Variants in SGCG observed in about 807,000 individuals in gnomAD.
SGCG encodes the protein sarcoglycan gamma.
Under a neutral mutation model 29.3 loss-of-function variants are expected in SGCG, and 26 were observed. The observed-to-expected ratio is 0.89, with a 90% CI of 0.65 to 1.23. The LOEUF (loss-of-function observed/expected upper bound fraction) is 1.23. Among genes scored for constraint, SGCG ranks in the 50% most tolerant of loss-of-function variants. The pLI, the probability that SGCG is intolerant of heterozygous loss-of-function variation, is 0.00. For missense variants in SGCG, 353 were observed against 356.0 expected, an observed-to-expected ratio of 0.99 and a Z score of 0.07; for synonymous variants, 145 against 129.7, an observed-to-expected ratio of 1.12 and a Z score of -0.80.
In SGCG at chr13:23,263,851, A is replaced by G. The variant is rs1461785154; in HGVS notation, c.385+13134A>G. On this transcript the variant is annotated intron_variant, in intron 4 of 7. Transcript: ENST00000218867. ...CATATGATCATCTCAGTAGATGCAGAAAAAGCATTAAACAAAATCTAGCAT... is the reference window on the plus strand; with the variant it reads ...CATATGATCATCTCAGTAGATGCAGGAAAAGCATTAAACAAAATCTAGCAT... 2.6e-5 allele frequency among the ~76,000 whole-genome samples: 4 copies of G among 152,290 alleles called. No homozygotes were observed. In the East Asian group the frequency reaches 5.8e-4, roughly 22 times the overall value.
intron 2 of SGCG, among the ~76,000 whole-genome samples, chr13:23,229,450 C>T (rs1005794668): frequency 9.2e-5 from 14 of 152,220 alleles, no homozygotes; most frequent in Admixed American, 9.2e-4. Context: ...TTCTCTGCAA[C>T]CTCACCAGCA....
At chr13:23,243,805 C>G (rs1879598394) in intron 3 of SGCG, 1 of 152,096 alleles carries the variant, frequency 6.6e-6, no homozygotes, top group African/African-American at 2.4e-5. Context: ...ATGGTGCCTA[C>G]TTTATAAAAT....
chr13:23,209,178 A>C (rs987904177), intron 2 of SGCG, among the ~76,000 whole-genome samples: 3 of 152,118 alleles, frequency 2.0e-5, no homozygotes, highest in Non-Finnish European at 4.4e-5. Context: ...TAATTCTATA[A>C]AATACTTCGT....
At chr13:23,165,700 T>C in the SGCG span, among the ~76,000 whole-genome samples, 1 of 120,284 alleles carries the variant, frequency 8.3e-6, no homozygotes, top group Admixed American at 1.1e-4. Context: ...AATTTTTGTA[T>C]TTTTTTAGTA....
At chr13:23,321,870 A>C (rs1883054135) in intron 7 of SGCG, among the ~76,000 whole-genome samples, 3 of 152,068 alleles carry the variant, frequency 2.0e-5, no homozygotes. Context: ...CTTACAGCAC[A>C]CAGTGCTCAA....
intron 6 of SGCG, among the ~76,000 whole-genome samples, chr13:23,300,307 A>G (rs1396708990): frequency 6.6e-6 from 1 of 152,234 alleles, no homozygotes; most frequent in Non-Finnish European, 1.5e-5. Flanking sequence ...AGGTCCCAAC[A>G]ATAAAGAGGC....
chr13:23,210,551 C>A (rs952604352), intron 2 of SGCG, among the ~76,000 whole-genome samples: 2 of 151,916 alleles, frequency 1.3e-5, no homozygotes, highest in Non-Finnish European at 2.9e-5. Flanking sequence ...ATTAGCCGGG[C>A]GTGGTGGCGG....
intron 7 of SGCG, among the ~76,000 whole-genome samples, chr13:23,323,032 A>G (rs1385069118): frequency 6.6e-6 from 1 of 152,088 alleles, no homozygotes; most frequent in Non-Finnish European, 1.5e-5. Flanking sequence ...TGTGATATTA[A>G]TAGGAACGTG....
At chr13:23,244,009 G>T (rs2137557724) in intron 3 of SGCG, 1 of 151,774 alleles carries the variant, frequency 6.6e-6, no homozygotes, top group Non-Finnish European at 1.5e-5. Context: ...AGCTCCCAAG[G>T]GCTCTTAAGA....
Position 23,197,239 on chromosome 13 carries a change from C to T in SGCG, c.1-6456C>T, listed in dbSNP as rs116203965. Among the ~76,000 whole-genome samples, 945 of 152,226 alleles carry T rather than the reference C, an allele frequency of 6.2e-3. 10 individuals are homozygous for T. Among genetic ancestry groups the T allele is most frequent in the African/African-American group, 0.022 (901 of 41,518 alleles). ...GCACTTACTGATTGCCTATTATGTGCACATAACTGATACTGGTCACGGTCA... is the reference window on the plus strand; with the variant it reads ...GCACTTACTGATTGCCTATTATGTGTACATAACTGATACTGGTCACGGTCA... On this transcript the variant is annotated intron_variant, in intron 1 of 7. Coordinates refer to ENST00000218867, the MANE Select transcript of SGCG (RefSeq NM_000231.3).
chr13:23,218,190 G>T (rs2137522885), intron 2 of SGCG, among the ~76,000 whole-genome samples: 1 of 152,190 alleles, frequency 6.6e-6, no homozygotes, highest in South Asian at 2.1e-4. Context: ...CAAATAAAAA[G>T]TTTATAATAT....
At chr13:23,212,096 G>C (rs1465283508) in intron 2 of SGCG, among the ~76,000 whole-genome samples, 1 of 151,968 alleles carries the variant, frequency 6.6e-6, no homozygotes, top group Non-Finnish European at 1.5e-5. Flanking sequence ...TGCTTGCTAG[G>C]GCTTTGCCTT....
intron 6 of SGCG, among the ~76,000 whole-genome samples, chr13:23,307,009 TAC>T (rs1349083169): frequency 1.3e-5 from 2 of 152,244 alleles, no homozygotes; most frequent in Non-Finnish European, 2.9e-5. Context: ...AAGAAGGACT[TAC>T]AAATATATTA....
At chr13:23,204,154 G>T (rs1382277515) in intron 2 of SGCG, among the ~76,000 whole-genome samples, 1 of 151,060 alleles carries the variant, frequency 6.6e-6, no homozygotes, top group Non-Finnish European at 1.5e-5. Context: ...TATTGTAATA[G>T]TCTTTAGTTT....
the SGCG span, among the ~76,000 whole-genome samples, chr13:23,164,490 G>A: frequency 6.6e-6 from 1 of 152,118 alleles, no homozygotes; most frequent in Admixed American, 6.5e-5. Flanking sequence ...AACTGCAGAG[G>A]AATAAAGGAA....
At chr13:23,170,586 T>G in the SGCG span, 1 of 152,388 alleles carries the variant, frequency 6.6e-6, no homozygotes. Context: ...TGTTGTTGCC[T>G]TCTTCTTCTG....
At position 23,300,951 on chromosome 13, in the gene SGCG, G is replaced by T. The variant is rs12865632; in HGVS notation, c.578+5464G>T. Among the ~76,000 whole-genome samples the T allele has an allele frequency of 3.3e-5, 5 of 151,908 alleles. No homozygotes were observed. In the East Asian group the frequency reaches 7.8e-4, roughly 24 times the overall value. ...TAACACGGTGAAACCCCATCTCTAC[G>T]AAAAATACAAAAGAATTAGCCGGGT... On this transcript the variant is annotated intron_variant, in intron 6 of 7. Transcript: ENST00000218867.
intron 4 of SGCG, among the ~76,000 whole-genome samples, chr13:23,262,718 C>T (rs1024591436): frequency 6.6e-6 from 1 of 151,992 alleles, no homozygotes; most frequent in East Asian, 1.9e-4. Flanking sequence ...TTCCCATCAG[C>T]ACATGAAACA....
In SGCG at chr13:23,310,117, T is replaced by C. The variant is rs1306496081; in HGVS notation, c.579-10520T>C. Reference sequence around the variant, plus strand: ...TTTTTTTTTTTTTTAGACGGAGTCTTGCTCTGTTGCCCAGGCTGGAGTGCA... The same window carrying C: ...TTTTTTTTTTTTTTAGACGGAGTCTCGCTCTGTTGCCCAGGCTGGAGTGCA... On this transcript the variant is annotated intron_variant, in intron 6 of 7. Coordinates refer to ENST00000218867, the MANE Select transcript of SGCG (RefSeq NM_000231.3). Among the ~76,000 whole-genome samples, 30 of 141,912 alleles carry C rather than the reference T, an allele frequency of 2.1e-4. 1 individual carries two copies. In the South Asian group the frequency reaches 5.8e-3, roughly 28 times the overall value. The allele number at this position is 141,912 out of a possible 152,430, so 93.1% of individuals were successfully genotyped here.
Sources: allele counts gnomAD v4.1 joint callset (sites outside exome capture counted in the v4.1 genomes callset), GRCh38; gene constraint gnomAD v4.1.1; transcripts MANE v1.5; gene names NCBI Gene and HGNC (gene_info 2026-07-23, HGNC 2026-07-21).